TJP1: variants seen among roughly 807,000 people sequenced by gnomAD.
TJP1 encodes tight junction protein ZO-1.
A neutral mutation model predicts 194.2 loss-of-function variants in TJP1; 43 were observed. That is an observed-to-expected ratio of 0.22 (90% CI 0.17 to 0.29). The LOEUF (loss-of-function observed/expected upper bound fraction) is 0.29. TJP1 is among the 10% of genes least tolerant of loss of function. The probability of loss-of-function intolerance (pLI) is 1.00; values close to 1 mark genes in which losing one functional copy is unlikely to be tolerated. For missense variants in TJP1, 1,971 were observed against 2,185.7 expected, an observed-to-expected ratio of 0.90 and a Z score of 1.96; for synonymous variants, 801 against 779.0, an observed-to-expected ratio of 1.03 and a Z score of -0.47.
At chr15:29,777,858 AC>A (rs2151694383) in intron 2 of TJP1, among the ~76,000 whole-genome samples, 1 of 152,006 alleles carries the variant, frequency 6.6e-6, no homozygotes, top group East Asian at 1.9e-4. Flanking sequence ...ACACCTAAAC[AC>A]CCCAGCCTTA....
chr15:29,911,369 G>A (rs975183682), intron 2 of TJP1, among the ~76,000 whole-genome samples: 2 of 152,150 alleles, frequency 1.3e-5, no homozygotes, highest in African/African-American at 4.8e-5. Context: ...GAAGAGGCAG[G>A]AAAATAAGAA....
intron 15 of TJP1, chr15:29,730,647 A>C: frequency 1.5e-6 from 1 of 683,930 alleles, no homozygotes; most frequent in Non-Finnish European, 2.7e-6. Context: ...CGACCCCCGG[A>C]CCGACCAAAG....
upstream of TJP1, among the ~76,000 whole-genome samples, chr15:29,825,217 A>G (rs765321884): frequency 6.6e-6 from 1 of 152,204 alleles, no homozygotes; most frequent in Non-Finnish European, 1.5e-5. Context: ...TTAACAATTA[A>G]AGAGTTTATC....
At chr15:29,824,862 A>T (rs2050630583), upstream of TJP1, among the ~76,000 whole-genome samples, 3 of 152,242 alleles carry the variant, frequency 2.0e-5, no homozygotes, top group South Asian at 6.2e-4. Flanking sequence ...GTCACTAATT[A>T]AAAATAGTTA....
upstream of TJP1, among the ~76,000 whole-genome samples, chr15:29,825,473 G>T (rs1301953926): frequency 6.6e-6 from 1 of 152,160 alleles, no homozygotes. Flanking sequence ...GATTTTTGGT[G>T]TCTGCGGCTC....
At chr15:29,842,356 T>A (rs887811817) in intron 2 of TJP1, among the ~76,000 whole-genome samples, 1 of 152,148 alleles carries the variant, frequency 6.6e-6, no homozygotes, top group Non-Finnish European at 1.5e-5. Context: ...ACTCAATTCT[T>A]CCATTATCAG....
intron 26 of TJP1, among the ~76,000 whole-genome samples, chr15:29,704,669 A>G (rs1202796013): frequency 1.3e-5 from 2 of 152,250 alleles, no homozygotes; most frequent in Non-Finnish European, 2.9e-5. Context: ...TTCAAGTGCT[A>G]GCTAGCCACG....
intron 2 of TJP1, among the ~76,000 whole-genome samples, chr15:29,778,784 A>G (rs138199608): frequency 1.6e-3 from 249 of 152,250 alleles, no homozygotes; most frequent in African/African-American, 5.5e-3. Context: ...GCTTCAGCTC[A>G]TCTTTCAAAA....
intron 4 of TJP1, 31 bp downstream of exon 4, chr15:29,772,033 C>G (rs771830099): frequency 7.1e-7 from 1 of 1,414,406 alleles, no homozygotes; most frequent in East Asian, 2.3e-5. Flanking sequence ...GTTGGGGTAC[C>G]TTTACTAAAT....
At chr15:29,790,143 G>C (rs1257568378) in intron 2 of TJP1, among the ~76,000 whole-genome samples, 4 of 152,192 alleles carry the variant, frequency 2.6e-5, no homozygotes, top group African/African-American at 9.7e-5. Flanking sequence ...GGGTTGAGTA[G>C]TTTTGACAGA....
chr15:29,732,467 C>T lies in TJP1; in HGVS notation c.1983G>A (p.Leu661=), dbSNP rs1400479695. 6.2e-7 allele frequency: 1 copy of T among 1,613,936 alleles called. No individual in the cohort carries two copies. Among genetic ancestry groups the T allele is most frequent in the South Asian group, 1.1e-5 (1 of 91,068 alleles). ...GATAAATATCTGGTTCTTCTCTTGC[C>T]AGCTTTTCTCTGGCAACATCAGCTA... ...GPIADVAREK[L]AREEPDIYQI... is the part of the protein sequence containing the mutation. Residue 661 remains leucine, a synonymous_variant, in exon 15 of 28, where the codon CTG becomes CTA. Coordinates refer to ENST00000614355, the MANE Select transcript of TJP1 (RefSeq NM_001330239.4).
intron 2 of TJP1, among the ~76,000 whole-genome samples, chr15:29,875,819 C>A (rs1325567075): frequency 1.3e-5 from 2 of 152,154 alleles, no homozygotes; most frequent in African/African-American, 4.8e-5. Context: ...CCGCCTCGGC[C>A]TCCCAAAGTG....
chr15:29,907,226 A>T (rs188900154), intron 2 of TJP1, among the ~76,000 whole-genome samples: 9 of 152,062 alleles, frequency 5.9e-5, no homozygotes, highest in Admixed American at 5.2e-4. Context: ...TGGCTAACAC[A>T]GTGAAACCCC....
chr15:29,819,165 T>C lies in TJP1; in HGVS notation c.27+2837A>G, dbSNP rs548438864. ...TCTACATTTTCTTCTATTTTAGAAT[T>C]TTTATTGCTCTTTGTCATTTAGATT... On this transcript the variant is annotated intron_variant, in intron 1 of 27. Transcript: ENST00000614355. Among the ~76,000 whole-genome samples the C allele has an allele frequency of 2.6e-4, 40 of 152,360 alleles. 1 individual carries two copies. The highest frequency in any genetic ancestry group is 8.9e-4 in the African/African-American group (37 of 41,578).
intron 1 of TJP1, among the ~76,000 whole-genome samples, chr15:29,821,068 T>C (rs1398371581): frequency 6.6e-6 from 1 of 152,228 alleles, no homozygotes; most frequent in Admixed American, 6.5e-5. Flanking sequence ...GGGGAGATTT[T>C]TTACTCCTCA....
At chr15:29,860,287 G>C (rs1254778745) in intron 2 of TJP1, among the ~76,000 whole-genome samples, 1 of 152,088 alleles carries the variant, frequency 6.6e-6, no homozygotes, top group East Asian at 1.9e-4. Flanking sequence ...CTGCACTCCT[G>C]TTCCCTGGTT....
intron 1 of TJP1, among the ~76,000 whole-genome samples, chr15:29,960,736 G>A (rs1045198527): frequency 6.6e-6 from 1 of 151,942 alleles, no homozygotes; most frequent in Non-Finnish European, 1.5e-5. Context: ...ACAGGAAGAT[G>A]GTACCTTGTC....
intron 1 of TJP1, among the ~76,000 whole-genome samples, chr15:29,808,211 T>C (rs577539368): frequency 6.6e-6 from 1 of 152,136 alleles, no homozygotes; most frequent in Non-Finnish European, 1.5e-5. Flanking sequence ...GAGTTTGCAG[T>C]GAGCCGAGAT....
chr15:29,822,370 C>T lies in TJP1; in HGVS notation c.-342G>A, dbSNP rs2050456509. On this transcript the variant is annotated 5_prime_UTR_variant, in exon 1 of 28. Transcript: ENST00000614355. ...AGCACCCGTGGCCTCCCGGCGTCTC[C>T]TCGGAAGCCGGCTTCGCCACGTAAC... 5.8e-6 allele frequency: 6 copies of T among 1,030,254 alleles called. No homozygotes were observed. The highest frequency in any genetic ancestry group is 7.0e-6 in the Non-Finnish European group (6 of 859,084). The allele number at this position is 1,030,254 out of a possible 1,614,324, so 63.8% of individuals were successfully genotyped here. A position where few individuals can be genotyped will look rare whatever the true frequency, so the allele number is the denominator to read the frequency against.
Sources: gnomAD v4.1 joint callset for allele counts (sites outside exome capture counted in the v4.1 genomes callset) on GRCh38, gnomAD v4.1.1 for gene constraint, MANE v1.5 for transcripts, NCBI Gene and HGNC (gene_info 2026-07-23, HGNC 2026-07-21) for gene names.